The following MYH10 variants were observed in gnomAD, a reference collection of about 807,000 sequenced individuals.
The protein encoded by MYH10 is myosin-10.
Under a neutral mutation model 257.8 loss-of-function variants are expected in MYH10, and 55 were observed. That is an observed-to-expected ratio of 0.21 (90% CI 0.17 to 0.27). MYH10 has a LOEUF of 0.27. Ranked by LOEUF, MYH10 falls within the 10% of genes least tolerant of loss-of-function variation. The pLI is 1.00. For missense variants in MYH10, 1,631 were observed against 2,500.6 expected, an observed-to-expected ratio of 0.65 and a Z score of 7.42; for synonymous variants, 854 against 921.7, an observed-to-expected ratio of 0.93 and a Z score of 1.33.
At chr17:8,592,999 G>C (rs1446557425) in intron 3 of MYH10, among the ~76,000 whole-genome samples, 1 of 106,382 alleles carries the variant, frequency 9.4e-6, no homozygotes, top group Non-Finnish European at 1.9e-5. Flanking sequence ...AGAACAAATG[G>C]TGTCTGTCCT....
At chr17:8,558,079 T>A (rs1292496685) in intron 7 of MYH10, among the ~76,000 whole-genome samples, 1 of 152,210 alleles carries the variant, frequency 6.6e-6, no homozygotes, top group African/African-American at 2.4e-5. Context: ...AAGAGTCGCA[T>A]AATAAAACTG....
chr17:8,597,897 C>T (rs183780136), intron 3 of MYH10, among the ~76,000 whole-genome samples: 13 of 152,200 alleles, frequency 8.5e-5, no homozygotes, highest in African/African-American at 2.2e-4. Flanking sequence ...AGATTACAGG[C>T]GTGACCCACT....
In MYH10 at chr17:8,603,874, T is replaced by C. The variant is rs527686752; in HGVS notation, c.502+952A>G. 4.6e-5 allele frequency among the ~76,000 whole-genome samples: 7 copies of C among 152,332 alleles called. No individual in the cohort carries two copies. The South Asian group carries it at 1.0e-3, about 23-fold the overall frequency. On this transcript the variant is annotated intron_variant, in intron 3 of 42. Coordinates refer to ENST00000360416, the MANE Select transcript of MYH10 (RefSeq NM_001256012.3). ...GTCCTTACCAACTTATGTATGACAC[T>C]ATTCTAGTCTTGAAGCACCTCCTGT... is the stretch of plus-strand genomic sequence containing the variant.
chr17:8,599,982 A>G (rs2084529404), intron 3 of MYH10, among the ~76,000 whole-genome samples: 1 of 152,230 alleles, frequency 6.6e-6, no homozygotes, highest in East Asian at 1.9e-4. Flanking sequence ...GGAGGGACCC[A>G]GAGATCTGGA....
Position 8,516,156 on chromosome 17 carries a change from G to T in MYH10, c.2505-2262C>A, listed in dbSNP as rs539098287. Among the ~76,000 whole-genome samples, 6 of 152,310 alleles carry T rather than the reference G, an allele frequency of 3.9e-5. No individual in the cohort carries two copies. In the South Asian group the frequency reaches 1.2e-3, roughly 32 times the overall value. On this transcript the variant is annotated intron_variant, in intron 21 of 42. Transcript: ENST00000360416. ...CCTGTGTGTCAGGCACTGTCCTCCA[G>T]GTTTTCATGAGGGAGCTGTGACATC... is the stretch of plus-strand genomic sequence containing the variant.
chr17:8,556,878 G>T (rs2082822192), intron 7 of MYH10, among the ~76,000 whole-genome samples: 1 of 152,162 alleles, frequency 6.6e-6, no homozygotes, highest in Non-Finnish European at 1.5e-5. Context: ...CCCTGTGCTA[G>T]GATGACATTC....
chr17:8,563,117 A>T (rs753959742), intron 7 of MYH10, among the ~76,000 whole-genome samples: 2 of 152,168 alleles, frequency 1.3e-5, no homozygotes, highest in Non-Finnish European at 2.9e-5. Flanking sequence ...CAGCACAGAT[A>T]GGGTGCTATG....
intron 17 of MYH10, among the ~76,000 whole-genome samples, chr17:8,529,911 T>C (rs755542275): frequency 1.3e-4 from 20 of 152,224 alleles, no homozygotes; most frequent in Non-Finnish European, 2.4e-4. Flanking sequence ...TTAGGCTGTA[T>C]TGTAATACAG....
intron 25 of MYH10, among the ~76,000 whole-genome samples, chr17:8,509,419 T>A (rs913610944): frequency 1.3e-5 from 2 of 152,224 alleles, no homozygotes; most frequent in African/African-American, 4.8e-5. Flanking sequence ...AACACACGAC[T>A]GTACTCCAAA....
intron 7 of MYH10, chr17:8,560,485 T>G: frequency 2.0e-6 from 1 of 504,758 alleles, no homozygotes; most frequent in South Asian, 1.6e-5. Flanking sequence ...AACGCCACTG[T>G]GTTCTTTTGA....
chr17:8,601,229 T>A (rs1356728761), intron 3 of MYH10, among the ~76,000 whole-genome samples: 1 of 152,132 alleles, frequency 6.6e-6, no homozygotes, highest in African/African-American at 2.4e-5. Flanking sequence ...TGGTGAGGCA[T>A]CAGGAACAAA....
At chr17:8,588,639 CCACTCCATTTTCCA>C (rs1156406509) in intron 4 of MYH10, among the ~76,000 whole-genome samples, 16 of 152,210 alleles carry the variant, frequency 1.1e-4, no homozygotes, top group Admixed American at 1.0e-3. Flanking sequence ...AACTCTTCCT[CCACTCCATTTTCCA>C]CACTGCTGCC....
At chr17:8,508,847 G>T (rs1044554666) in intron 25 of MYH10, among the ~76,000 whole-genome samples, 170 bp from the exon 26 acceptor site, 2 of 152,236 alleles carry the variant, frequency 1.3e-5, no homozygotes, top group Admixed American at 1.3e-4. Context: ...TTTGGACAAT[G>T]ATGAACCGGA....
chr17:8,594,748 A>G (rs757296308), intron 3 of MYH10, among the ~76,000 whole-genome samples: 14 of 152,184 alleles, frequency 9.2e-5, no homozygotes, highest in Admixed American at 2.6e-4. Context: ...ATCTGCAAAT[A>G]CCCTACACAC....
At chr17:8,498,086 G>A (rs940238806) in intron 30 of MYH10, among the ~76,000 whole-genome samples, 3 of 148,546 alleles carry the variant, frequency 2.0e-5, no homozygotes, top group Admixed American at 6.8e-5. Context: ...GGATTCAAGC[G>A]ATTCTCCTGC....
chr17:8,562,521 G>T (rs1050600805), intron 7 of MYH10, among the ~76,000 whole-genome samples: 3 of 152,180 alleles, frequency 2.0e-5, no homozygotes, highest in African/African-American at 7.2e-5. Context: ...AACATTATGT[G>T]AAGAAATCTG....
chr17:8,589,197 C>T (rs2084027394), intron 3 of MYH10, 89 bp from the exon 4 acceptor site: 8 of 1,359,640 alleles, frequency 5.9e-6, no homozygotes, highest in Non-Finnish European at 8.3e-6. Context: ...GCAGTAATAG[C>T]CTATAAAATA....
intron 5 of MYH10, among the ~76,000 whole-genome samples, chr17:8,576,970 T>C (rs113086418): frequency 0.011 from 1,718 of 152,282 alleles, 32 homozygotes; most frequent in African/African-American, 0.038. Context: ...TGCTGAACAA[T>C]TCTCAGCAAA....
intron 3 of MYH10, among the ~76,000 whole-genome samples, chr17:8,594,083 G>A (rs1567955036): frequency 2.0e-5 from 3 of 152,124 alleles, no homozygotes; most frequent in Non-Finnish European, 4.4e-5. Context: ...AACAAATAGT[G>A]CTAGAACAAT....
Sources: gnomAD v4.1 joint callset for allele counts (sites outside exome capture counted in the v4.1 genomes callset) on GRCh38, gnomAD v4.1.1 for gene constraint, MANE v1.5 for transcripts, NCBI Gene and HGNC (gene_info 2026-07-23, HGNC 2026-07-21) for gene names.